ZNF839: variants seen among roughly 807,000 people sequenced by gnomAD.
The protein encoded by ZNF839 is renal carcinoma antigen NY-REN-50.
Under a neutral mutation model 56.4 loss-of-function variants are expected in ZNF839, and 38 were observed. That is an observed-to-expected ratio of 0.67 (90% CI 0.52 to 0.88). The LOEUF (loss-of-function observed/expected upper bound fraction) is 0.88, where lower values mean the gene tolerates loss of function less well. Among genes scored for constraint, ZNF839 ranks in the 40% least tolerant of loss-of-function variants. ZNF839 has a pLI of 0.00. For synonymous variants in ZNF839, 486 were observed against 493.5 expected, an observed-to-expected ratio of 0.98 and a Z score of 0.20; for missense variants, 1,091 against 1,177.6, an observed-to-expected ratio of 0.93 and a Z score of 1.08.
chr14:102,319,173 G>A (rs2072992323), upstream of ZNF839: 2 of 152,218 alleles, frequency 1.3e-5, no homozygotes, highest in African/African-American at 4.8e-5. This position sits in a 1 kb window ranked among gnomAD's most constrained non-coding sequence, Gnocchi z 4.5. Flanking sequence ...CCCTGAGCGT[G>A]CGTTGTGTTC....
intron 3 of ZNF839, 40 bp downstream of exon 3, chr14:102,331,886 T>G: frequency 2.0e-6 from 3 of 1,482,918 alleles, no homozygotes; most frequent in Non-Finnish European, 2.7e-6. Context: ...ACCCGTGTCT[T>G]TAGCATGGAT....
At chr14:102,330,667 A>AC (rs2073732890) in intron 2 of ZNF839, among the ~76,000 whole-genome samples, 1 of 149,490 alleles carries the variant, frequency 6.7e-6, no homozygotes, top group South Asian at 2.1e-4. Context: ...TCAGGTGTGC[A>AC]CCATCACACC....
At chr14:102,331,565 T>TG in intron 2 of ZNF839, 57 bp from the exon 3 acceptor site, 1 of 1,470,424 alleles carries the variant, frequency 6.8e-7, no homozygotes, top group Admixed American at 2.1e-5. Context: ...AAGGTTTTTA[T>TG]GGGGTATATA....
At chr14:102,323,733 C>T (rs1157206720) in intron 1 of ZNF839, among the ~76,000 whole-genome samples, 3 of 152,160 alleles carry the variant, frequency 2.0e-5, no homozygotes, top group Non-Finnish European at 4.4e-5. Flanking sequence ...CTCAGCCCTA[C>T]GCCTAGGTAC....
At position 102,325,737 on chromosome 14, in the gene ZNF839, G is replaced by A. The variant is rs546137797; in HGVS notation, c.289-248G>A. Reference sequence around the variant, plus strand: ...CTCGAACTCCTGACCTCAAGTAATCGGCCTGCCTTGGCCTCCCAAAGTGCT... The same window carrying A: ...CTCGAACTCCTGACCTCAAGTAATCAGCCTGCCTTGGCCTCCCAAAGTGCT... On this transcript the variant is annotated intron_variant, in intron 1 of 7. Transcript: ENST00000442396. Among the ~76,000 whole-genome samples the A allele has an allele frequency of 2.6e-5, 4 of 152,020 alleles. No individual in the cohort carries two copies. The East Asian group carries it at 5.8e-4, about 22-fold the overall frequency.
Position 102,328,286 on chromosome 14 carries a change from GGAGGTTGCAGTGAGCC to G in ZNF839, c.1191+1403_1191+1418del, listed in dbSNP as rs1372695578. 1.7e-4 allele frequency among the ~76,000 whole-genome samples: 25 copies of G among 145,064 alleles called. No homozygotes were observed. The Middle Eastern group carries it at 0.011, about 62-fold the overall frequency. On this transcript the variant is annotated intron_variant, in intron 2 of 7. Coordinates refer to ENST00000442396, the MANE Select transcript of ZNF839 (RefSeq NM_018335.6). ...GGAGATTTGCTTGAACTTGTGAGGTGGAGGTTGCAGTGAGCCGAGATCATGCCATTGCACTCCAGCC... is the reference window on the plus strand; with the variant it reads ...GGAGATTTGCTTGAACTTGTGAGGTGGAGATCATGCCATTGCACTCCAGCC...
intron 2 of ZNF839, among the ~76,000 whole-genome samples, chr14:102,328,552 T>C (rs1489325669): frequency 1.3e-5 from 2 of 151,264 alleles, no homozygotes; most frequent in Non-Finnish European, 2.9e-5. Context: ...TCTCCAGAAC[T>C]CTTTTCATCT....
chr14:102,331,430 A>C, intron 2 of ZNF839, 192 bp from the exon 3 acceptor site: 2 of 549,714 alleles, frequency 3.6e-6, no homozygotes, highest in Non-Finnish European at 6.5e-6. Flanking sequence ...TTGTATTCTT[A>C]GTAGAGATGG....
intron 2 of ZNF839, among the ~76,000 whole-genome samples, chr14:102,329,418 T>C (rs1252925053): frequency 1.3e-5 from 2 of 151,434 alleles, no homozygotes; most frequent in Non-Finnish European, 2.9e-5. Context: ...TCAGTCTGAC[T>C]CTGTTGCCCA....
intron 1 of ZNF839, among the ~76,000 whole-genome samples, chr14:102,324,940 G>A (rs2073330215): frequency 6.6e-6 from 1 of 151,982 alleles, no homozygotes; most frequent in East Asian, 1.9e-4. Flanking sequence ...ACAGAGCAAG[G>A]GTCCGTCTCA....
At chr14:102,334,404 A>C (rs2073925462) in intron 3 of ZNF839, 150 bp from the exon 4 acceptor site, 1 of 620,124 alleles carries the variant, frequency 1.6e-6, no homozygotes, top group Non-Finnish European at 3.0e-6. Context: ...AACAGGTGAA[A>C]TAGTTAATAA....
At chr14:102,339,907 G>A (rs1688876057) in intron 7 of ZNF839, among the ~76,000 whole-genome samples, 1 of 152,148 alleles carries the variant, frequency 6.6e-6, no homozygotes, top group Admixed American at 6.5e-5. Context: ...TTGAAAACAA[G>A]ACAGGTCCTG....
In ZNF839 at chr14:102,319,854, T is replaced by G. The variant is rs1336526050; in HGVS notation, c.89T>G (p.Val30Gly). The G allele has an allele frequency of 1.6e-6, 2 of 1,245,676 alleles. No individual in the cohort carries two copies. Among genetic ancestry groups the G allele is most frequent in the Non-Finnish European group, 2.0e-6 (2 of 995,894 alleles). The allele number at this position is 1,245,676 out of a possible 1,614,324, so 77.2% of individuals were successfully genotyped here. A position where few individuals can be genotyped will look rare whatever the true frequency, so the allele number is the denominator to read the frequency against. The change falls in exon 1 of 8, where the codon GTC becomes GGC. Residue 30 changes from valine to glycine, a missense_variant. Transcript: ENST00000442396. The surrounding 1 kb of genome is among the most constrained non-coding windows in gnomAD (Gnocchi z 4.5). ...GPAPPGQSGSVARVAPLGPEQ... is the reference protein window; with the variant it reads ...GPAPPGQSGSGARVAPLGPEQ... ...GCTCCTCCGGGCCAGAGCGGCAGCG[T>G]CGCACGTGTGGCCCCGCTGGGCCCC...
intron 1 of ZNF839, among the ~76,000 whole-genome samples, chr14:102,323,381 G>T (rs1422560454): frequency 1.3e-5 from 2 of 152,234 alleles, no homozygotes; most frequent in Non-Finnish European, 2.9e-5. Flanking sequence ...GGAGGAAAGT[G>T]CTCATTATTT....
chr14:102,331,640 G>A lies in ZNF839; in HGVS notation c.1210G>A (p.Val404Ile), dbSNP rs757892599. The A allele has an allele frequency of 2.5e-5, 40 of 1,611,426 alleles. No individual in the cohort carries two copies. The East Asian group carries it at 6.0e-4, about 24-fold the overall frequency. The change falls in exon 3 of 8, where the codon GTT becomes ATT. Residue 404 changes from valine to isoleucine, a missense_variant. Val to Ile is a conservative substitution (Grantham distance 29, BLOSUM62 3). Transcript: ENST00000442396. ...TGTCTAGAATGGTCAGTCTGTAGAC[G>A]TTGAAGAGACATTGCCATCTGAACC... ...GGLQNGQSVD[V>I]EETLPSEPEN... is the part of the protein sequence containing the mutation.
chr14:102,328,375 A>ATAT (rs1555442800), intron 2 of ZNF839, among the ~76,000 whole-genome samples: 15 of 16,314 alleles, frequency 9.2e-4, no homozygotes, highest in East Asian at 2.0e-3. Flanking sequence ...AAAAAAAAAA[A>ATAT]ATATATATAT....
upstream of ZNF839, chr14:102,319,740 G>C (rs779781177): frequency 6.5e-6 from 8 of 1,227,808 alleles, no homozygotes; most frequent in East Asian, 3.2e-5. This position sits in a 1 kb window ranked among gnomAD's most constrained non-coding sequence, Gnocchi z 4.5. Context: ...TCAGCGACCC[G>C]GGTTCGAGTC....
rs750324438 is a variant in ZNF839, at chr14:102,326,932, C to T, written c.1191+45C>T. The T allele has an allele frequency of 5.2e-5, 79 of 1,509,220 alleles. No homozygotes were observed. Among genetic ancestry groups the T allele is most frequent in the East Asian group, 1.4e-4 (6 of 42,294 alleles). 93.5% of individuals were successfully genotyped at this position (1,509,220 alleles called of 1,614,324 possible). ...ATGTGTCTTTTTATTTGGCCGTTCTCGGATTGCTATAAAGAAATACCTGAG... is the reference window on the plus strand; with the variant it reads ...ATGTGTCTTTTTATTTGGCCGTTCTTGGATTGCTATAAAGAAATACCTGAG... On this transcript the variant is annotated intron_variant, in intron 2 of 7. Transcript: ENST00000442396. This position sits in a 1 kb window ranked among gnomAD's most constrained non-coding sequence, Gnocchi z 4.3.
chr14:102,324,398 C>T (rs1394518267), intron 1 of ZNF839, among the ~76,000 whole-genome samples: 1 of 152,030 alleles, frequency 6.6e-6, no homozygotes, highest in East Asian at 1.9e-4. Flanking sequence ...CAAAAATTAG[C>T]CAGGTGTGGT....
Sources: allele counts gnomAD v4.1 joint callset (sites outside exome capture counted in the v4.1 genomes callset), GRCh38; gene constraint gnomAD v4.1.1; non-coding constraint Gnocchi (gnomAD v3.1); transcripts MANE v1.5; gene names NCBI Gene and HGNC (gene_info 2026-07-23, HGNC 2026-07-21).